The following TMF1 variants were observed in gnomAD, a reference collection of about 807,000 sequenced individuals.
TMF1 encodes TATA element modulatory factor 1, also known as TATA element modulatory factor.
A neutral mutation model predicts 126.5 loss-of-function variants in TMF1; 71 were observed. The ratio of observed to expected loss-of-function variants is 0.56; its 90% confidence interval spans 0.46 to 0.68. TMF1 has a LOEUF of 0.68. Ranked by LOEUF, TMF1 falls within the 30% of genes least tolerant of loss-of-function variation. TMF1 has a pLI of 0.00. For synonymous variants in TMF1, 461 were observed against 430.5 expected (o/e 1.07, Z -0.88); for missense variants, 1,259 against 1,253.2 (o/e 1.00, Z -0.07).
At chr3:69,050,903 A>T (rs568081930) in intron 1 of TMF1, among the ~76,000 whole-genome samples, 114 of 152,350 alleles carry the variant, frequency 7.5e-4, no homozygotes, top group Admixed American at 1.6e-3. Context: ...CAAATGCTGA[A>T]CTGTTCCTTA....
intron 10 of TMF1, among the ~76,000 whole-genome samples, chr3:69,032,693 C>G (rs770404957): frequency 3.3e-5 from 5 of 151,812 alleles, no homozygotes. Context: ...TCACTGCAGC[C>G]TCTGCTTCCC....
chr3:69,035,110 C>T lies in TMF1; in HGVS notation c.2157G>A (p.Gly719=), dbSNP rs1489491261. The T allele has an allele frequency of 6.2e-7, 1 of 1,613,804 alleles. No homozygotes were observed. The highest frequency in any genetic ancestry group is 8.5e-7 in the Non-Finnish European group (1 of 1,179,800). ...QQQETLAIQV[G]DLRLALQRTE... is the part of the protein sequence containing the mutation. Reference sequence around the variant, plus strand: ...TACGCTGCAATGCAAGCCTAAGGTCCCCCACCTGTAGGAGGAGAAACAATA... The same window carrying T: ...TACGCTGCAATGCAAGCCTAAGGTCTCCCACCTGTAGGAGGAGAAACAATA... The change falls in exon 9 of 17, where the codon GGG becomes GGA. Residue 719 remains glycine (G), a synonymous_variant. Transcript: ENST00000398559.
rs1262211386 is a variant in TMF1 at position 69,042,852 on chromosome 3, G to A, written c.1639C>T (p.Leu547Phe). 1.2e-6 allele frequency: 2 copies of A among 1,613,438 alleles called. No individual in the cohort carries two copies. The highest frequency in any genetic ancestry group is 1.7e-6 in the Non-Finnish European group (2 of 1,179,854). ...TRLNSSETAD[L>F]LKEKDEQIRG... ...ATCTGCTCATCTTTCTCTTTCAAAA[G>A]GTCTGCAGTTTCACTACTATTTAAT... Residue 547 changes from leucine (L) to phenylalanine (F), a missense_variant, in exon 5 of 17, where the codon CTT (leucine) becomes TTT (phenylalanine). Coordinates refer to ENST00000398559, the MANE Select transcript of TMF1 (RefSeq NM_007114.3).
rs1051115402 is a variant in TMF1, at chr3:69,050,274, C to A, written c.142+1671G>T. Among the ~76,000 whole-genome samples, 153 of 144,310 alleles carry A rather than the reference C, an allele frequency of 1.1e-3. No individual in the cohort carries two copies. The Middle Eastern group carries it at 0.011, about 10-fold the overall frequency. The allele number at this position is 144,310 out of a possible 152,430, so 94.7% of individuals were successfully genotyped here. ...GACTGTGTCTCAAAAAAAAAAAAAA[C>A]AAAAAAACAAATATATATATATGTA... On this transcript the variant is annotated intron_variant, in intron 1 of 16. Transcript: ENST00000398559.
At chr3:69,038,463 T>C in intron 8 of TMF1, 101 bp downstream of exon 8, 3 of 1,288,994 alleles carry the variant, frequency 2.3e-6, no homozygotes, top group South Asian at 2.9e-5. Context: ...ATCTAACACA[T>C]GTATCACTAC....
Position 69,051,927 on chromosome 3 carries a change from C to G in TMF1, c.142+18G>C, listed in dbSNP as rs2091932230. ...AGCAGCCTCCGGGAGCCAGGAACCCCGCTCCTCTCTCTCTTACCCGGCTCT... is the reference window on the plus strand; with the variant it reads ...AGCAGCCTCCGGGAGCCAGGAACCCGGCTCCTCTCTCTCTTACCCGGCTCT... On this transcript the variant is annotated intron_variant, in intron 1 of 16. Transcript: ENST00000398559. 4 of 1,610,332 alleles carry G rather than the reference C, an allele frequency of 2.5e-6. No homozygotes were observed. Among genetic ancestry groups the G allele is most frequent in the Non-Finnish European group, 3.4e-6 (4 of 1,178,212 alleles).
At position 69,033,641 on chromosome 3, in the gene TMF1, G is replaced by A. The variant is rs376365644; in HGVS notation, c.2308C>T (p.Pro770Ser). The A allele has an allele frequency of 6.2e-7, 1 of 1,613,984 alleles. No homozygotes were observed. Among genetic ancestry groups the A allele is most frequent in the Non-Finnish European group, 8.5e-7 (1 of 1,179,986 alleles). ...LSQSVSSTTRPLLRQIENLQA... is the reference protein window; with the variant it reads ...LSQSVSSTTRSLLRQIENLQA... Reference sequence around the variant, plus strand: ...AAATTTTCTATTTGTCGAAGCAATGGTCTTGTTGTTGATGAAACACTTTGA... The same window carrying A: ...AAATTTTCTATTTGTCGAAGCAATGATCTTGTTGTTGATGAAACACTTTGA... Residue 770 changes from proline (P) to serine (S), a missense_variant, in exon 10 of 17, where the codon CCA becomes TCA. Transcript: ENST00000398559.
intron 16 of TMF1, 33 bp downstream of exon 16, chr3:69,024,022 T>C (rs1397948864): frequency 6.3e-7 from 1 of 1,576,024 alleles, no homozygotes; most frequent in Non-Finnish European, 8.6e-7. Flanking sequence ...AACTAAAATA[T>C]CTTAGACTCA....
rs1398878254 is a variant in TMF1, at chr3:69,047,752, C to T, written c.953G>A (p.Cys318Tyr). ...DDFQKLTESCCSSDAFERIDS... is the reference protein window; with the variant it reads ...DDFQKLTESCYSSDAFERIDS... ...TATTCTTTCAAAAGCATCAGATGAACAGCAACTCTCAGTGAGTTTTTGGAA... is the reference window on the plus strand; with the variant it reads ...TATTCTTTCAAAAGCATCAGATGAATAGCAACTCTCAGTGAGTTTTTGGAA... Residue 318 changes from cysteine (C) to tyrosine (Y), a missense_variant, in exon 2 of 17, where the codon TGT (cysteine) becomes TAT (tyrosine). Cys to Tyr is a radical substitution (Grantham distance 194). Transcript: ENST00000398559. 1 of 1,614,050 alleles carries T rather than the reference C, an allele frequency of 6.2e-7. No homozygotes were observed. The highest frequency in any genetic ancestry group is 8.5e-7 in the Non-Finnish European group (1 of 1,180,014).
chr3:69,037,205 T>G (rs2091836698), intron 8 of TMF1, among the ~76,000 whole-genome samples: 2 of 152,172 alleles, frequency 1.3e-5, no homozygotes, highest in Admixed American at 1.3e-4. Context: ...ATTAAGAGAA[T>G]GCAAATCAGC....
chr3:69,033,396 T>C (rs2091814850), intron 10 of TMF1, 152 bp downstream of exon 10: 1 of 890,288 alleles, frequency 1.1e-6, no homozygotes, highest in Non-Finnish European at 1.6e-6. Flanking sequence ...GTATTAAAAA[T>C]ACATGTAGAA....
rs954771634 is a variant in TMF1, at chr3:69,025,369, T to C, written c.3012+191A>G. 1.2e-5 allele frequency: 6 copies of C among 507,094 alleles called. No individual in the cohort carries two copies. In the Admixed American group the frequency reaches 1.9e-4, roughly 16 times the overall value. The allele number at this position is 507,094 out of a possible 1,614,324, so 31.4% of individuals were successfully genotyped here. ...TAATTCTGGCAATTAGCAGGTTCAG[T>C]TGGCTGTTATCCTTAGCTAATTTCT... is the stretch of plus-strand genomic sequence containing the variant. On this transcript the variant is annotated intron_variant, in intron 15 of 16. Coordinates refer to ENST00000398559, the MANE Select transcript of TMF1 (RefSeq NM_007114.3).
At position 69,047,641 on chromosome 3, in the gene TMF1, A is replaced by G; in HGVS notation, c.1064T>C (p.Leu355Ser). 3 of 1,614,114 alleles carry G rather than the reference A, an allele frequency of 1.9e-6. No homozygotes were observed. Among genetic ancestry groups the G allele is most frequent in the Non-Finnish European group, 1.7e-6 (2 of 1,180,018 alleles). ...DDELSGKGYA[L>S]VPIIVNSSTP... ...TGAAGAATTAACTATAATAGGCACT[A>G]AAGCATATCCCTTGCCTGACAATTC... The change falls in exon 2 of 17, where the codon TTA becomes TCA. Residue 355 changes from leucine (L) to serine (S), a missense_variant. By Grantham distance (145) the Leu-to-Ser change is moderately radical (BLOSUM62 -2). Coordinates refer to ENST00000398559, the MANE Select transcript of TMF1 (RefSeq NM_007114.3).
chr3:69,028,347 A>G (rs2091781438), intron 11 of TMF1, 52 bp from the exon 12 acceptor site: 1 of 1,273,782 alleles, frequency 7.9e-7, no homozygotes, highest in South Asian at 1.2e-5. Context: ...AGATGCTAGT[A>G]TAGACTATTA....
At chr3:69,043,234 A>G (rs896261184) in intron 4 of TMF1, among the ~76,000 whole-genome samples, 17 of 152,136 alleles carry the variant, frequency 1.1e-4, no homozygotes, top group Non-Finnish European at 2.2e-4. Flanking sequence ...TAGTGGTACA[A>G]TGACGACTCA....
At position 69,026,162 on chromosome 3, in the gene TMF1, C is replaced by G. The variant is rs1039711179; in HGVS notation, c.2758-65G>C. 4 of 1,073,252 alleles carry G rather than the reference C, an allele frequency of 3.7e-6. No individual in the cohort carries two copies. The East Asian group carries it at 9.5e-5, about 25-fold the overall frequency. 66.5% of individuals were successfully genotyped at this position (1,073,252 alleles called of 1,614,324 possible). On this transcript the variant is annotated intron_variant, in intron 13 of 16. Transcript: ENST00000398559. Reference sequence around the variant, plus strand: ...AAGAGATAAGCAGAGAAAGCAAGAACATTTCCTAGGGTTAATGAGAACAAA... The same window carrying G: ...AAGAGATAAGCAGAGAAAGCAAGAAGATTTCCTAGGGTTAATGAGAACAAA...
At chr3:69,037,933 TG>T (rs551305621) in intron 8 of TMF1, among the ~76,000 whole-genome samples, 20 of 152,172 alleles carry the variant, frequency 1.3e-4, no homozygotes, top group Non-Finnish European at 2.5e-4. Flanking sequence ...GTGGAGAAAC[TG>T]AAACCCTCAC....
intron 5 of TMF1, chr3:69,042,557 C>G (rs1410880900): frequency 1.7e-6 from 1 of 592,476 alleles, no homozygotes; most frequent in Admixed American, 2.1e-5. Context: ...TAGGGCAGCA[C>G]AAATTTCTGT....
At chr3:69,028,975 C>A (rs757540350) in intron 11 of TMF1, among the ~76,000 whole-genome samples, 1 of 151,868 alleles carries the variant, frequency 6.6e-6, no homozygotes, top group Non-Finnish European at 1.5e-5. Context: ...GCCACACAAT[C>A]TCAACAATCT....
Sources: gnomAD v4.1 joint callset for allele counts (sites outside exome capture counted in the v4.1 genomes callset) on GRCh38, gnomAD v4.1.1 for gene constraint, MANE v1.5 for transcripts, NCBI Gene and HGNC (gene_info 2026-07-23, HGNC 2026-07-21) for gene names.